The following CKLF variants were observed in gnomAD, a reference collection of about 807,000 sequenced individuals.
CKLF encodes the protein chemokine like factor.
CKLF carries 16 observed loss-of-function variants against 12.9 expected under a neutral mutation model. That is an observed-to-expected ratio of 1.24 (90% CI 0.84 to 1.88). CKLF has a LOEUF of 1.88. CKLF is among the 40% of genes most tolerant of loss of function. The probability of loss-of-function intolerance (pLI) is 0.00; values close to 1 mark genes in which losing one functional copy is unlikely to be tolerated. For synonymous variants in CKLF, 61 were observed against 69.0 expected (o/e 0.88, Z 0.57); for missense variants, 172 against 188.5 (o/e 0.91, Z 0.51).
At chr16:66,556,711 GTTAC>G (rs1350254296) in intron 1 of CKLF, among the ~76,000 whole-genome samples, 6 of 152,132 alleles carry the variant, frequency 3.9e-5, no homozygotes, top group Admixed American at 6.5e-5. Flanking sequence ...AAAGAATGAA[GTTAC>G]TTAGTAACTA....
chr16:66,557,844 G>T (rs977117655), intron 1 of CKLF, among the ~76,000 whole-genome samples: 1 of 152,086 alleles, frequency 6.6e-6, no homozygotes, highest in East Asian at 1.9e-4. Context: ...AAGCACAAGA[G>T]GAATAATTAA....
chr16:66,554,844 G>C (rs1387034622), intron 1 of CKLF, among the ~76,000 whole-genome samples: 3 of 152,230 alleles, frequency 2.0e-5, no homozygotes, highest in Admixed American at 6.5e-5. Context: ...GTGTGGGAAG[G>C]CATCAAGAAA....
chr16:66,563,071 G>A, intron 2 of CKLF, 51 bp from the exon 3 acceptor site: 1 of 1,602,004 alleles, frequency 6.2e-7, no homozygotes, highest in Middle Eastern at 1.7e-4. Context: ...TTCCTTTTTA[G>A]CATTGCTTGG....
At chr16:66,563,062 T>G in intron 2 of CKLF, 60 bp from the exon 3 acceptor site, 1 of 1,601,338 alleles carries the variant, frequency 6.2e-7, no homozygotes, top group Non-Finnish European at 8.5e-7. Flanking sequence ...TTTTTGTTTT[T>G]CCTTTTTAGC....
At chr16:66,565,288 A>T (rs1192858151) in intron 3 of CKLF, among the ~76,000 whole-genome samples, 2 of 152,212 alleles carry the variant, frequency 1.3e-5, no homozygotes, top group African/African-American at 2.4e-5. Flanking sequence ...GATAGCCATC[A>T]GAGTGTCTGA....
chr16:66,562,726 G>A (rs913960403), intron 2 of CKLF, among the ~76,000 whole-genome samples: 1 of 152,056 alleles, frequency 6.6e-6, no homozygotes, highest in African/African-American at 2.4e-5. Flanking sequence ...TTAGGAAGCT[G>A]ACTCCTTTTG....
chr16:66,557,353 A>C (rs1198570047), intron 1 of CKLF, among the ~76,000 whole-genome samples: 1 of 152,098 alleles, frequency 6.6e-6, no homozygotes, highest in Non-Finnish European at 1.5e-5. Context: ...TTTTTAGTAG[A>C]GACAAGGTTT....
chr16:66,554,798 A>G (rs12444469), intron 1 of CKLF, among the ~76,000 whole-genome samples: 9,592 of 152,284 alleles, frequency 0.063, 450 homozygotes, highest in East Asian at 0.12. Flanking sequence ...TGTTTGAAGC[A>G]GAGAAAATCC....
chr16:66,561,268 C>T (rs566467179), intron 2 of CKLF, among the ~76,000 whole-genome samples: 42 of 151,956 alleles, frequency 2.8e-4, no homozygotes, highest in Non-Finnish European at 5.2e-4. Flanking sequence ...TGTTCCCCCC[C>T]GAGAGCCCCA....
chr16:66,552,566 C>CAT (rs1965844589), upstream of CKLF: 21 of 1,248,642 alleles, frequency 1.7e-5, no homozygotes, highest in Non-Finnish European at 2.4e-5. Flanking sequence ...CGTGCGCATG[C>CAT]GCGCAAGAGA....
chr16:66,565,645 A>G (rs1187287466), intron 3 of CKLF: 2 of 521,672 alleles, frequency 3.8e-6, no homozygotes, highest in Non-Finnish European at 6.8e-6. Flanking sequence ...ACACTGCTTT[A>G]TTATTTTTCT....
At chr16:66,562,524 T>C (rs1285523016) in intron 2 of CKLF, among the ~76,000 whole-genome samples, 1 of 152,186 alleles carries the variant, frequency 6.6e-6, no homozygotes, top group East Asian at 1.9e-4. Context: ...TCCCTTCAAC[T>C]ACATTTATGT....
At chr16:66,559,671 G>T (rs183416277) in intron 2 of CKLF, among the ~76,000 whole-genome samples, 6 of 152,058 alleles carry the variant, frequency 3.9e-5, no homozygotes, top group African/African-American at 1.4e-4. Flanking sequence ...ACATGTCCCA[G>T]TAATAAACTG....
intron 3 of CKLF, 173 bp from the exon 4 acceptor site, chr16:66,565,713 G>A (rs1489006654): frequency 1.6e-6 from 1 of 643,696 alleles, no homozygotes; most frequent in East Asian, 2.5e-5. Flanking sequence ...ACTTAGCAAT[G>A]AGGAGAATAA....
intron 3 of CKLF, chr16:66,565,641 C>G: frequency 2.0e-6 from 1 of 510,144 alleles, no homozygotes; most frequent in Admixed American, 3.3e-5. Context: ...GCCCACACTG[C>G]TTTATTATTT....
At chr16:66,556,577 A>G (rs2011460799) in intron 1 of CKLF, among the ~76,000 whole-genome samples, 1 of 152,234 alleles carries the variant, frequency 6.6e-6, no homozygotes, top group South Asian at 2.1e-4. Context: ...GAAAAAGGTT[A>G]CAGAGGATAG....
chr16:66,563,128 A>T lies in CKLF; in HGVS notation c.244A>T (p.Ile82Phe), dbSNP rs1220362127. 1.2e-6 allele frequency: 2 copies of T among 1,614,022 alleles called. No individual in the cohort carries two copies. Among genetic ancestry groups the T allele is most frequent in the East Asian group, 4.5e-5 (2 of 44,874 alleles). ...KWLFWPLLDI[I>F]NSLVTTVFML... ...CTTTATTGTGTGTTTTTAGGATATT[A>T]TCAACTCACTGGTAACAACAGTATT... is the stretch of plus-strand genomic sequence containing the variant. Residue 82 changes from isoleucine to phenylalanine, a missense_variant, in exon 3 of 4, where the codon ATC (isoleucine) becomes TTC (phenylalanine). By Grantham distance (21) the Ile-to-Phe change is conservative. Coordinates refer to ENST00000264001, the MANE Select transcript of CKLF (RefSeq NM_016951.4).
At chr16:66,563,987 T>G (rs2011943490) in intron 3 of CKLF, among the ~76,000 whole-genome samples, 1 of 152,222 alleles carries the variant, frequency 6.6e-6, no homozygotes, top group Admixed American at 6.5e-5. Flanking sequence ...GCCATATATG[T>G]CAGAAGCCAT....
chr16:66,565,560 C>T (rs2012185993), intron 3 of CKLF: 1 of 267,860 alleles, frequency 3.7e-6, no homozygotes, highest in Admixed American at 4.9e-5. Context: ...ACTAAATATC[C>T]TCAGTAGGGC....
Sources: gnomAD v4.1 joint callset for allele counts (sites outside exome capture counted in the v4.1 genomes callset) on GRCh38, gnomAD v4.1.1 for gene constraint, MANE v1.5 for transcripts, NCBI Gene and HGNC (gene_info 2026-07-23, HGNC 2026-07-21) for gene names.